Variants in SLC23A3 observed in about 807,000 individuals in gnomAD.
The protein encoded by SLC23A3 is E2-binding protein 3.
In SLC23A3, 41 loss-of-function variants were observed where a neutral mutation model predicts 64.7. The observed-to-expected ratio is 0.63, with a 90% CI of 0.49 to 0.82. The LOEUF (loss-of-function observed/expected upper bound fraction) is 0.82, where lower values mean the gene tolerates loss of function less well. Among genes scored for constraint, SLC23A3 ranks in the 40% least tolerant of loss-of-function variants. The pLI, the probability that SLC23A3 is intolerant of heterozygous loss-of-function variation, is 0.00. For synonymous variants in SLC23A3, 281 were observed against 306.8 expected, an observed-to-expected ratio of 0.92 and a Z score of 0.88; for missense variants, 647 against 733.4, an observed-to-expected ratio of 0.88 and a Z score of 1.36.
Position 219,163,324 on chromosome 2 carries a change from C to T in SLC23A3, c.1441+64G>A, listed in dbSNP as rs893326503. Reference sequence around the variant, plus strand: ...AGAGAAGGCTGTGGGGCCAGGAGTCCGGGCAGCCTGAAGCCTCAACTTGCT... The same window carrying T: ...AGAGAAGGCTGTGGGGCCAGGAGTCTGGGCAGCCTGAAGCCTCAACTTGCT... On this transcript the variant is annotated intron_variant, in intron 10 of 11. Transcript: ENST00000409878. 2.9e-5 allele frequency: 45 copies of T among 1,542,924 alleles called. No individual in the cohort carries two copies. The Middle Eastern group carries it at 1.1e-3, about 38-fold the overall frequency.
At position 219,161,643 on chromosome 2, in the gene SLC23A3, T is replaced by A; in HGVS notation, c.*266A>T. ...GATGCTCAGTAAGTATTAAAGTGAA[T>A]GCTGGGGTTCAAGTGGCATTGATAG... On this transcript the variant is annotated 3_prime_UTR_variant, in exon 12 of 12. Coordinates refer to ENST00000409878, the MANE Select transcript of SLC23A3 (RefSeq NM_001144889.2). The A allele has an allele frequency of 2.9e-6, 1 of 348,570 alleles. No homozygotes were observed. Among genetic ancestry groups the A allele is most frequent in the Non-Finnish European group, 5.2e-6 (1 of 192,338 alleles). 21.6% of individuals were successfully genotyped at this position (348,570 alleles called of 1,614,324 possible).
In SLC23A3 at chr2:219,169,169, C is replaced by T; in HGVS notation, c.419-67G>A. On this transcript the variant is annotated intron_variant, in intron 3 of 11. Coordinates refer to ENST00000409878, the MANE Select transcript of SLC23A3 (RefSeq NM_001144889.2). The surrounding 1 kb of genome is among the most constrained non-coding windows in gnomAD (Gnocchi z 4.5). The stretch of plus-strand genomic sequence containing the variant: ...AATGGAGACCCATTGCTCTACAGTC[C>T]CACTCCTGGCACAGGTCCAAGCCCC... 1.2e-6 allele frequency: 2 copies of T among 1,604,554 alleles called. No homozygotes were observed. Among genetic ancestry groups the T allele is most frequent in the Non-Finnish European group, 1.7e-6 (2 of 1,172,048 alleles).
rs1317829313 is a variant in SLC23A3, at chr2:219,169,651, A to G, written c.190T>C (p.Cys64Arg). ...QHVLVMASLL[C>R]VSHLLLLCSL... is the part of the protein sequence containing the mutation. ...CAAAGCAGGAGCAGGTGGGAGACAC[A>G]GAGCAGAGAAGCCATGACCAAGACA... Residue 64 changes from cysteine (C) to arginine (R), a missense_variant, in exon 2 of 12, where the codon TGT (cysteine) becomes CGT (arginine). Coordinates refer to ENST00000409878, the MANE Select transcript of SLC23A3 (RefSeq NM_001144889.2). The surrounding 1 kb of genome is among the most constrained non-coding windows in gnomAD (Gnocchi z 4.5). 6.2e-7 allele frequency: 1 copy of G among 1,614,158 alleles called. No individual in the cohort carries two copies. The highest frequency in any genetic ancestry group is 8.5e-7 in the Non-Finnish European group (1 of 1,179,988).
In SLC23A3 at chr2:219,165,325, CAG is replaced by C. The variant is rs867815510; in HGVS notation, c.1009_1010del (p.Leu337ValfsTer110). The C allele has an allele frequency of 7.7e-6, 12 of 1,551,540 alleles. No homozygotes were observed. The highest frequency in any genetic ancestry group is 2.4e-5 in the East Asian group (1 of 40,914). ...ASTSSLGCYA[L>X]CGRLLHLPPP... The stretch of plus-strand genomic sequence containing the variant: ...GAGGCAAATGCAGCAGCCGGCCACA[CAG>C]GGCATAGCAGCCCAGGGAACTGGTG... On this transcript the variant is annotated frameshift_variant, in exon 8 of 12. Transcript: ENST00000409878. LOFTEE classifies it high-confidence loss of function.
rs780213003 is a variant in SLC23A3, at chr2:219,161,972, C to T, written c.1770G>A (p.Leu590=). 2 of 1,610,542 alleles carry T rather than the reference C, an allele frequency of 1.2e-6. No homozygotes were observed. Among genetic ancestry groups the T allele is most frequent in the East Asian group, 2.2e-5 (1 of 44,792 alleles). ...GGCATGGCTCCCCTGAGCCAGGCAG[C>T]AAGTCTGCCATCTCTTCTGGCTCAG... The part of the protein sequence containing the change: ...GSSEPEEMAD[L]LPGSGEPCPE... The change falls in exon 12 of 12, where the codon TTG becomes TTA. Residue 590 remains leucine (L), a synonymous_variant. Transcript: ENST00000409878.
At position 219,169,360 on chromosome 2, in the gene SLC23A3, G is replaced by A. The variant is rs1402067131; in HGVS notation, c.367C>T (p.Leu123=). The A allele has an allele frequency of 2.2e-5, 36 of 1,614,222 alleles. No individual in the cohort carries two copies. The highest frequency in any genetic ancestry group is 3.1e-5 in the Non-Finnish European group (36 of 1,180,034). The change falls in exon 3 of 12, where the codon CTG becomes TTG. Residue 123 remains leucine (L), a synonymous_variant. Coordinates refer to ENST00000409878, the MANE Select transcript of SLC23A3 (RefSeq NM_001144889.2). This position sits in a 1 kb window ranked among gnomAD's most constrained non-coding sequence, Gnocchi z 4.5. The stretch of plus-strand genomic sequence containing the variant: ...GGTAGCTTCTGGCTGGTCAGCACCA[G>A]AGCAGGGATAAGGAACTCTAAGGAT... ...APSLEFLIPA[L]VLTSQKLPRA... is the part of the protein sequence containing the mutation.
In SLC23A3 at chr2:219,169,260, G is replaced by T; in HGVS notation, c.418+49C>A. The T allele has an allele frequency of 1.9e-6, 3 of 1,613,730 alleles. No homozygotes were observed. Among genetic ancestry groups the T allele is most frequent in the Non-Finnish European group, 2.5e-6 (3 of 1,179,950 alleles). On this transcript the variant is annotated intron_variant, in intron 3 of 11. Coordinates refer to ENST00000409878, the MANE Select transcript of SLC23A3 (RefSeq NM_001144889.2). This position sits in a 1 kb window ranked among gnomAD's most constrained non-coding sequence, Gnocchi z 4.5. ...GCACCCACCTACACCTGCATGCTCA[G>T]ATGAGAACCCAGCCCCACCCTTACC...
chr2:219,165,369 T>C lies in SLC23A3; in HGVS notation c.967A>G (p.Met323Val). 6.4e-7 allele frequency: 1 copy of C among 1,551,254 alleles called. No homozygotes were observed. The highest frequency in any genetic ancestry group is 8.7e-7 in the Non-Finnish European group (1 of 1,146,874). Reference sequence around the variant, plus strand: ...GAACTGGTGGAGGCTGCCAAGGCCATGGAGATGCCTGCAGCCAGAGCTCTG... The same window carrying C: ...GAACTGGTGGAGGCTGCCAAGGCCACGGAGATGCCTGCAGCCAGAGCTCTG... The part of the protein sequence containing the change: ...TPRALAAGIS[M>V]ALAASTSSLG... Residue 323 changes from methionine to valine, a missense_variant, in exon 8 of 12, where the codon ATG becomes GTG. Met to Val is a conservative substitution (Grantham distance 21, BLOSUM62 1). Transcript: ENST00000409878.
At chr2:219,168,976 G>C in intron 4 of SLC23A3, 53 bp downstream of exon 4, 4 of 1,568,986 alleles carry the variant, frequency 2.5e-6, no homozygotes, top group South Asian at 1.1e-5. Context: ...GGAAACAAGA[G>C]CCCCCCCCAA....
rs758511459 is a variant in SLC23A3, at chr2:219,169,458, G to C, written c.321-52C>G. ...CTGGGACTATGTGGCAGCCAGCAAGGCTCCCCCAAACCTCTCCTACCCTCC... is the reference window on the plus strand; with the variant it reads ...CTGGGACTATGTGGCAGCCAGCAAGCCTCCCCCAAACCTCTCCTACCCTCC... On this transcript the variant is annotated intron_variant, in intron 2 of 11. Transcript: ENST00000409878. This position sits in a 1 kb window ranked among gnomAD's most constrained non-coding sequence, Gnocchi z 4.5. 17 of 1,613,560 alleles carry C rather than the reference G, an allele frequency of 1.1e-5. No homozygotes were observed. The Middle Eastern group carries it at 6.6e-4, about 62-fold the overall frequency.
chr2:219,169,318 G>A lies in SLC23A3; in HGVS notation c.409C>T (p.Pro137Ser), dbSNP rs754253369. 5 of 1,614,204 alleles carry A rather than the reference G, an allele frequency of 3.1e-6. No homozygotes were observed. The highest frequency in any genetic ancestry group is 1.3e-5 in the African/African-American group (1 of 75,046). The change falls in exon 3 of 12, where the codon CCT (proline) becomes TCT (serine). Residue 137 changes from proline to serine, a missense_variant. Physicochemically the swap from Pro to Ser is moderately conservative, Grantham distance 74. Coordinates refer to ENST00000409878, the MANE Select transcript of SLC23A3 (RefSeq NM_001144889.2). The surrounding 1 kb of genome is among the most constrained non-coding windows in gnomAD (Gnocchi z 4.5). ...CTTGCTCTGTGCTCACAGTTTCCAG[G>A]TGTCTGGATGGCCCGGGGTAGCTTC... Reference protein sequence around the residue: ...SQKLPRAIQTPGNSSLMLHLC... With the variant: ...SQKLPRAIQTSGNSSLMLHLC...
Position 219,169,020 on chromosome 2 carries a change from G to C in SLC23A3, c.492+9C>G. On this transcript the variant is annotated intron_variant, in intron 4 of 11. Transcript: ENST00000409878. This position sits in a 1 kb window ranked among gnomAD's most constrained non-coding sequence, Gnocchi z 4.5. Reference sequence around the variant, plus strand: ...CCACCCTTATCCCTTCTCACCTCCAGATACCCACCTCCTGGAGAGAAGTGT... The same window carrying C: ...CCACCCTTATCCCTTCTCACCTCCACATACCCACCTCCTGGAGAGAAGTGT... The C allele has an allele frequency of 6.2e-7, 1 of 1,613,072 alleles. No homozygotes were observed. The highest frequency in any genetic ancestry group is 8.5e-7 in the Non-Finnish European group (1 of 1,179,068).
rs773334041 is a variant in SLC23A3 at position 219,165,397 on chromosome 2, C to T, written c.939G>A (p.Thr313=). 2.1e-5 allele frequency: 32 copies of T among 1,550,704 alleles called. No individual in the cohort carries two copies. The highest frequency in any genetic ancestry group is 1.7e-4 in the Middle Eastern group (1 of 5,982). The stretch of plus-strand genomic sequence containing the variant: ...AGATGCCTGCAGCCAGAGCTCTGGG[C>T]GTCAGCAAAGGCCAATTCCACTCAC... The part of the protein sequence containing the change: ...HPGEWNWPLL[T]PRALAAGISM... The change falls in exon 8 of 12, where the codon ACG becomes ACA. Residue 313 remains threonine (T), a synonymous_variant. Coordinates refer to ENST00000409878, the MANE Select transcript of SLC23A3 (RefSeq NM_001144889.2).
intron 7 of SLC23A3, 118 bp downstream of exon 7, chr2:219,167,812 T>A: frequency 1.3e-6 from 1 of 797,260 alleles, no homozygotes; most frequent in East Asian, 2.6e-5. Flanking sequence ...AATTTCTCTC[T>A]CCTATATGTT....
chr2:219,169,248 C>T lies in SLC23A3; in HGVS notation c.418+61G>A. ...AATCTCAATTCTGCACCCACCTACA[C>T]CTGCATGCTCAGATGAGAACCCAGC... On this transcript the variant is annotated intron_variant, in intron 3 of 11. Coordinates refer to ENST00000409878, the MANE Select transcript of SLC23A3 (RefSeq NM_001144889.2). The surrounding 1 kb of genome is among the most constrained non-coding windows in gnomAD (Gnocchi z 4.5). 2 of 1,613,488 alleles carry T rather than the reference C, an allele frequency of 1.2e-6. No homozygotes were observed.
At chr2:219,164,360 G>A (rs1466799471) in intron 8 of SLC23A3, 22 bp from the exon 9 acceptor site, 7 of 1,499,822 alleles carry the variant, frequency 4.7e-6, no homozygotes, top group Non-Finnish European at 6.4e-6. Flanking sequence ...AAAGACACTG[G>A]AAAACACAGC....
rs751260323 is a variant in SLC23A3, at chr2:219,165,299, G to A, written c.1037C>T (p.Pro346Leu). The stretch of plus-strand genomic sequence containing the variant: ...TCGACTGCAGGCATGTGGAGGTGGG[G>A]GAGGCAAATGCAGCAGCCGGCCACA... ...ALCGRLLHLP[P>L]PPPHACSRGL... The change falls in exon 8 of 12, where the codon CCC (proline) becomes CTC (leucine). Residue 346 changes from proline (P) to leucine (L), a missense_variant. By Grantham distance (98) the Pro-to-Leu change is moderately conservative. Coordinates refer to ENST00000409878, the MANE Select transcript of SLC23A3 (RefSeq NM_001144889.2). The A allele has an allele frequency of 1.4e-5, 22 of 1,551,494 alleles. No individual in the cohort carries two copies. The highest frequency in any genetic ancestry group is 1.9e-5 in the Non-Finnish European group (22 of 1,147,004).
intron 9 of SLC23A3, among the ~76,000 whole-genome samples, chr2:219,163,991 C>G (rs112928847): frequency 0.018 from 2,812 of 152,138 alleles, 86 homozygotes; most frequent in African/African-American, 0.063. Context: ...TGTGGGCCAC[C>G]ACGCCCAGCC....
chr2:219,164,186 CTG>C, intron 9 of SLC23A3, 45 bp downstream of exon 9: 1 of 1,349,078 alleles, frequency 7.4e-7, no homozygotes, highest in South Asian at 1.2e-5. Context: ...TCAGGCCACA[CTG>C]GGGAGTAGCA....
Sources: allele counts gnomAD v4.1 joint callset (sites outside exome capture counted in the v4.1 genomes callset), GRCh38; gene constraint gnomAD v4.1.1; non-coding constraint Gnocchi (gnomAD v3.1); transcripts MANE v1.5; gene names NCBI Gene and HGNC (gene_info 2026-07-23, HGNC 2026-07-21).